The following KIF16B variants were observed in gnomAD, a reference collection of about 807,000 sequenced individuals.
KIF16B encodes kinesin family member 16B, also known as kinesin-like protein KIF16B.
KIF16B carries 98 observed loss-of-function variants against 156.3 expected under a neutral mutation model. That is an observed-to-expected ratio of 0.63 (90% confidence interval 0.53 to 0.74). The LOEUF (loss-of-function observed/expected upper bound fraction) is 0.74. Ranked by LOEUF, KIF16B falls within the 30% of genes least tolerant of loss-of-function variation. The probability of loss-of-function intolerance (pLI) is 0.00; values close to 1 mark genes in which losing one functional copy is unlikely to be tolerated. For synonymous variants in KIF16B, 564 were observed against 583.7 expected (o/e 0.97, Z 0.49); for missense variants, 1,421 against 1,606.5 (o/e 0.88, Z 1.97).
At chr20:16,552,994 G>A (rs2070722444) in intron 1 of KIF16B, among the ~76,000 whole-genome samples, 1 of 151,982 alleles carries the variant, frequency 6.6e-6, no homozygotes, top group African/African-American at 2.4e-5. Flanking sequence ...TCGAACTCCT[G>A]ACCTCAAGTG....
At chr20:16,566,009 A>G (rs974347162) in intron 1 of KIF16B, among the ~76,000 whole-genome samples, 3 of 152,270 alleles carry the variant, frequency 2.0e-5, no homozygotes, top group East Asian at 1.9e-4. Flanking sequence ...CAAACGCACC[A>G]AAAGTTTATG....
In KIF16B at chr20:16,468,481, TAGG is replaced by T. The variant is rs1243959679; in HGVS notation, c.1302+25807_1302+25809del. Among the ~76,000 whole-genome samples the T allele has an allele frequency of 3.5e-5, 5 of 140,890 alleles. No homozygotes were observed. The East Asian group carries it at 1.0e-3, about 29-fold the overall frequency. The allele number at this position is 140,890 out of a possible 152,430, so 92.4% of individuals were successfully genotyped here. A position where few individuals can be genotyped will look rare whatever the true frequency, so the allele number is the denominator to read the frequency against. ...ATCCCAGCTACTTGGGAGGCTGAGGTAGGAGAATTGCTGGAACCCTGGGGGAGG... is the reference window on the plus strand; with the variant it reads ...ATCCCAGCTACTTGGGAGGCTGAGGTAGAATTGCTGGAACCCTGGGGGAGG... On this transcript the variant is annotated intron_variant, in intron 12 of 25. Coordinates refer to ENST00000354981, the MANE Select transcript of KIF16B (RefSeq NM_024704.5).
chr20:16,390,988 C>T (rs574144551), intron 17 of KIF16B, among the ~76,000 whole-genome samples: 6 of 152,150 alleles, frequency 3.9e-5, no homozygotes, highest in South Asian at 2.1e-4. Context: ...CAACAGGAGA[C>T]GGGGTGGAGG....
intron 12 of KIF16B, among the ~76,000 whole-genome samples, chr20:16,488,021 A>T (rs1568594329): frequency 6.6e-6 from 1 of 152,226 alleles, no homozygotes; most frequent in Non-Finnish European, 1.5e-5. Context: ...CCAGCTAGGC[A>T]TCTGCATGTG....
chr20:16,484,329 C>T (rs2068059498), intron 12 of KIF16B, among the ~76,000 whole-genome samples: 1 of 152,222 alleles, frequency 6.6e-6, no homozygotes, highest in Admixed American at 6.5e-5. Context: ...GGGAATAGCT[C>T]AGCTCAGCCT....
At chr20:16,555,285 C>A (rs1051229544) in intron 1 of KIF16B, among the ~76,000 whole-genome samples, 1 of 152,212 alleles carries the variant, frequency 6.6e-6, no homozygotes, top group African/African-American at 2.4e-5. Flanking sequence ...AACATATGAT[C>A]CTCCTCACTG....
intron 25 of KIF16B, among the ~76,000 whole-genome samples, chr20:16,284,688 C>T (rs766591855): frequency 4.6e-5 from 7 of 152,154 alleles, no homozygotes; most frequent in African/African-American, 7.2e-5. Flanking sequence ...AGGATTACAA[C>T]GGCACCGGGG....
chr20:16,380,672 A>C lies in KIF16B; in HGVS notation c.1839-509T>G, dbSNP rs183735983. On this transcript the variant is annotated intron_variant, in intron 18 of 25. Transcript: ENST00000354981. ...ACATACTATTTAGCATTTAATCACT[A>C]GTTTGGGACAAATGGTGATCACCAA... Among the ~76,000 whole-genome samples the C allele has an allele frequency of 2.1e-3, 316 of 152,338 alleles. 1 individual carries two copies. Among genetic ancestry groups the C allele is most frequent in the Non-Finnish European group, 2.8e-3 (190 of 68,024 alleles).
chr20:16,395,798 T>C lies in KIF16B; in HGVS notation c.1784+9015A>G, dbSNP rs530279328. 1.2e-4 allele frequency among the ~76,000 whole-genome samples: 19 copies of C among 152,216 alleles called. No homozygotes were observed. The South Asian group carries it at 3.1e-3, about 25-fold the overall frequency. The stretch of plus-strand genomic sequence containing the variant: ...GCCTAGAACTGTGTCTAGGAGGGTG[T>C]AATTATATCGACACATTCAACACTC... On this transcript the variant is annotated intron_variant, in intron 17 of 25. Coordinates refer to ENST00000354981, the MANE Select transcript of KIF16B (RefSeq NM_024704.5).
intron 24 of KIF16B, among the ~76,000 whole-genome samples, chr20:16,326,975 T>TAA (rs1555845760): frequency 1.8e-4 from 27 of 150,236 alleles, no homozygotes; most frequent in Non-Finnish European, 3.3e-4. Context: ...TATATATATA[T>TAA]AACATATATA....
intron 25 of KIF16B, among the ~76,000 whole-genome samples, chr20:16,277,850 G>C (rs904152586): frequency 6.6e-6 from 1 of 152,126 alleles, no homozygotes; most frequent in Non-Finnish European, 1.5e-5. Context: ...ATTATAAAAA[G>C]AAATAAAAGC....
chr20:16,404,869 C>T lies in KIF16B; in HGVS notation c.1728G>A (p.Met576Ile). Residue 576 changes from methionine (M) to isoleucine (I), a missense_variant, in exon 17 of 26, where the codon ATG (methionine) becomes ATA (isoleucine). Transcript: ENST00000354981. ...SGLLSSFSLS[M>I]TDLSKSRENL... ...TCTCACGGGACTTCGAGAGGTCGGT[C>T]ATGGACAAGCTGAAGGAGGACAGAA... 6.2e-7 allele frequency: 1 copy of T among 1,613,408 alleles called. No individual in the cohort carries two copies.
At chr20:16,417,873 G>C (rs1429868110) in intron 15 of KIF16B, among the ~76,000 whole-genome samples, 2 of 151,962 alleles carry the variant, frequency 1.3e-5, no homozygotes, top group African/African-American at 4.8e-5. Flanking sequence ...GGTAAACAGA[G>C]CCTCAAGGAA....
intron 25 of KIF16B, among the ~76,000 whole-genome samples, chr20:16,275,494 C>T (rs544629290): frequency 7.2e-5 from 11 of 152,246 alleles, no homozygotes; most frequent in African/African-American, 2.4e-4. Flanking sequence ...TTACACTTGG[C>T]CTGGAATCAC....
intron 17 of KIF16B, among the ~76,000 whole-genome samples, chr20:16,388,631 T>TC (rs2065283053): frequency 6.6e-6 from 1 of 152,206 alleles, no homozygotes; most frequent in African/African-American, 2.4e-5. Flanking sequence ...CAACCTATTT[T>TC]TTTTTTTAAA....
intron 25 of KIF16B, among the ~76,000 whole-genome samples, chr20:16,281,528 T>G (rs1478951090): frequency 1.3e-5 from 2 of 152,132 alleles, no homozygotes; most frequent in African/African-American, 4.8e-5. Context: ...TCTTCCCAAT[T>G]CTAAACTCCC....
At chr20:16,277,833 T>C (rs1042839048) in intron 25 of KIF16B, among the ~76,000 whole-genome samples, 1 of 152,140 alleles carries the variant, frequency 6.6e-6, no homozygotes, top group South Asian at 2.1e-4. Context: ...CACAGGACAT[T>C]TTCTCCATTA....
intron 1 of KIF16B, among the ~76,000 whole-genome samples, chr20:16,531,103 A>G (rs865957334): frequency 6.6e-6 from 1 of 152,212 alleles, no homozygotes; most frequent in African/African-American, 2.4e-5. Flanking sequence ...ACCAACCTGC[A>G]TAAGTTCCTG....
At chr20:16,528,623 A>G (rs2147156509) in intron 1 of KIF16B, among the ~76,000 whole-genome samples, 183 bp from the exon 2 acceptor site, 1 of 152,336 alleles carries the variant, frequency 6.6e-6, no homozygotes, top group Middle Eastern at 3.4e-3. Context: ...GATACGCAAA[A>G]TGATGCCACC....
Sources: allele counts gnomAD v4.1 joint callset (sites outside exome capture counted in the v4.1 genomes callset), GRCh38; gene constraint gnomAD v4.1.1; transcripts MANE v1.5; gene names NCBI Gene and HGNC (gene_info 2026-07-23, HGNC 2026-07-21).